The following OMA1 variants were observed in gnomAD, a reference collection of about 807,000 sequenced individuals.
OMA1 encodes metalloendopeptidase OMA1, mitochondrial.
OMA1 carries 38 observed loss-of-function variants against 30.9 expected under a neutral mutation model. The observed-to-expected ratio is 1.23, with a 90% CI of 0.95 to 1.61. OMA1 has a LOEUF of 1.61. Ranked by LOEUF, OMA1 falls within the 40% of genes most tolerant of loss-of-function variation. The pLI is 0.00. For synonymous variants in OMA1, 173 were observed against 121.9 expected (o/e 1.42, Z -2.76); for missense variants, 461 against 349.2 (o/e 1.32, Z -2.55).
At chr1:58,511,656 C>T (rs11207246) in intron 7 of OMA1, among the ~76,000 whole-genome samples, 22,982 of 151,850 alleles carry the variant, frequency 0.15, 1,820 homozygotes, top group Middle Eastern at 0.23. Flanking sequence ...CACACACAAA[C>T]CCCACAATGA....
At chr1:58,532,205 A>C (rs1646444634) in intron 5 of OMA1, among the ~76,000 whole-genome samples, 1 of 152,238 alleles carries the variant, frequency 6.6e-6, no homozygotes, top group South Asian at 2.1e-4. Flanking sequence ...GACTCCCAAA[A>C]GAGAAAATAT....
intron 8 of OMA1, among the ~76,000 whole-genome samples, chr1:58,496,049 A>G (rs181699300): frequency 1.1e-3 from 160 of 152,326 alleles, no homozygotes; most frequent in African/African-American, 3.8e-3. Context: ...AACTAAATAA[A>G]AAAATATGAT....
In OMA1 at chr1:58,539,177, G is replaced by T. The variant is rs868539266; in HGVS notation, c.118C>A (p.Gln40Lys). The T allele has an allele frequency of 2.3e-6, 2 of 872,926 alleles. No individual in the cohort carries two copies. The highest frequency in any genetic ancestry group is 4.0e-6 in the Non-Finnish European group (2 of 501,662). 54.1% of individuals were successfully genotyped at this position (872,926 alleles called of 1,614,324 possible). A position where few individuals can be genotyped will look rare whatever the true frequency, so the allele number is the denominator to read the frequency against. The change falls in exon 2 of 9, where the codon CAA (glutamine) becomes AAA (lysine). Residue 40 changes from glutamine (Q) to lysine (K), a missense_variant. Coordinates refer to ENST00000371226, the MANE Select transcript of OMA1 (RefSeq NM_145243.5). ...TTTACTATATGGTTAACTTGTACTT[G>T]ATGACAGCCCCGTGAGGTGGATGCT... ...TLASTSRGCH[Q>K]VQVNHIVNKY... is the part of the protein sequence containing the mutation.
chr1:58,508,575 C>T (rs1646025474), intron 7 of OMA1, among the ~76,000 whole-genome samples: 1 of 152,132 alleles, frequency 6.6e-6, no homozygotes, highest in African/African-American at 2.4e-5. Context: ...ATAAGAACAC[C>T]TGCAGCTCCC....
Position 58,481,177 on chromosome 1 carries a change from A to G in OMA1, c.1366-3T>C, listed in dbSNP as rs760484263. On this transcript the variant is annotated splice_region_variant and splice_polypyrimidine_tract_variant and intron_variant, in intron 8 of 8. Transcript: ENST00000371226. ...CACATCTCTCTAATTTTGAGAGCCTATAAAGAAATAATAAAATAAAAAAAT... is the reference window on the plus strand; with the variant it reads ...CACATCTCTCTAATTTTGAGAGCCTGTAAAGAAATAATAAAATAAAAAAAT... 4 of 809,160 alleles carry G rather than the reference A, an allele frequency of 4.9e-6. No individual in the cohort carries two copies. Among genetic ancestry groups the G allele is most frequent in the Non-Finnish European group, 6.3e-6 (3 of 475,314 alleles). 50.1% of individuals were successfully genotyped at this position (809,160 alleles called of 1,614,324 possible).
At chr1:58,525,848 C>G (rs186071626) in intron 7 of OMA1, among the ~76,000 whole-genome samples, 153 of 152,068 alleles carry the variant, frequency 1.0e-3, no homozygotes, top group Non-Finnish European at 1.9e-3. Flanking sequence ...ATGGTACTGG[C>G]TGAAACATAA....
At chr1:58,546,461 T>TC (rs910298145) in intron 1 of OMA1, among the ~76,000 whole-genome samples, 17 of 151,366 alleles carry the variant, frequency 1.1e-4, no homozygotes, top group African/African-American at 4.1e-4. Flanking sequence ...AGAACCGGGC[T>TC]CCCCCAGGAC....
intron 8 of OMA1, among the ~76,000 whole-genome samples, chr1:58,505,161 A>G (rs1645968095): frequency 6.6e-6 from 1 of 152,204 alleles, no homozygotes; most frequent in Non-Finnish European, 1.5e-5. Flanking sequence ...CCCGTTGGCC[A>G]GGCTGGTCTC....
intron 8 of OMA1, among the ~76,000 whole-genome samples, chr1:58,487,182 C>T (rs1165757588): frequency 6.6e-6 from 1 of 152,074 alleles, no homozygotes; most frequent in Non-Finnish European, 1.5e-5. Flanking sequence ...GGAGCAGTGG[C>T]GAAGTTGAGA....
At chr1:58,524,064 G>A (rs1473478299) in intron 7 of OMA1, among the ~76,000 whole-genome samples, 1 of 152,142 alleles carries the variant, frequency 6.6e-6, no homozygotes, top group African/African-American at 2.4e-5. Flanking sequence ...TTCCTTAGAG[G>A]CTCAGGGGTT....
At chr1:58,522,107 G>T (rs151160076) in intron 7 of OMA1, among the ~76,000 whole-genome samples, 1,848 of 152,216 alleles carry the variant, frequency 0.012, 15 homozygotes, top group Non-Finnish European at 0.021. Flanking sequence ...AAAAATTAAT[G>T]TAATTTGCCC....
rs201084913 is a variant in OMA1 at position 58,506,142 on chromosome 1, C to T, written c.1283G>A (p.Gly428Asp). ...TAACCATTCTGGCATCTTGGGTTGG[C>T]CATGCAGGCTATCAACGAACTCCAT... The part of the protein sequence containing the change: ...QQMEFVDSLH[G>D]QPKMPEWLST... The change falls in exon 8 of 9, where the codon GGC becomes GAC. Residue 428 changes from glycine (G) to aspartate (D), a missense_variant. Coordinates refer to ENST00000371226, the MANE Select transcript of OMA1 (RefSeq NM_145243.5). 20 of 871,660 alleles carry T rather than the reference C, an allele frequency of 2.3e-5. No individual in the cohort carries two copies. Among genetic ancestry groups the T allele is most frequent in the Admixed American group, 1.7e-4 (10 of 59,128 alleles). 54.0% of individuals were successfully genotyped at this position (871,660 alleles called of 1,614,324 possible).
intron 8 of OMA1, among the ~76,000 whole-genome samples, chr1:58,505,747 A>G (rs1289320990): frequency 6.6e-6 from 1 of 152,202 alleles, no homozygotes; most frequent in Non-Finnish European, 1.5e-5. Context: ...TATCATCAAC[A>G]TGTTTAAAAA....
At chr1:58,485,744 A>C (rs913405159) in intron 8 of OMA1, among the ~76,000 whole-genome samples, 3 of 152,168 alleles carry the variant, frequency 2.0e-5, no homozygotes, top group Non-Finnish European at 4.4e-5. Flanking sequence ...ATATAGCTAG[A>C]ATATGTCTTT....
At chr1:58,486,665 T>C (rs1645580647) in intron 8 of OMA1, among the ~76,000 whole-genome samples, 1 of 152,104 alleles carries the variant, frequency 6.6e-6, no homozygotes, top group Non-Finnish European at 1.5e-5. Context: ...GTTAAGTACA[T>C]GAAGAAACTA....
chr1:58,482,044 T>C (rs999658372), intron 8 of OMA1, among the ~76,000 whole-genome samples: 1 of 152,152 alleles, frequency 6.6e-6, no homozygotes, highest in African/African-American at 2.4e-5. Context: ...AAATAAAACA[T>C]TGCAAAGGAA....
chr1:58,508,239 G>A (rs983918221), intron 7 of OMA1, among the ~76,000 whole-genome samples: 5 of 152,098 alleles, frequency 3.3e-5, no homozygotes, highest in African/African-American at 1.2e-4. Context: ...CTCAAACCCA[G>A]TTCAAAGAGC....
chr1:58,535,870 G>GA (rs1329136055), intron 3 of OMA1, among the ~76,000 whole-genome samples: 3 of 151,780 alleles, frequency 2.0e-5, no homozygotes, highest in African/African-American at 4.8e-5. Flanking sequence ...TGATGTTTGG[G>GA]AAAAAAATCT....
intron 7 of OMA1, among the ~76,000 whole-genome samples, chr1:58,508,401 A>G (rs1173812778): frequency 1.3e-5 from 2 of 152,192 alleles, no homozygotes; most frequent in Non-Finnish European, 2.9e-5. Flanking sequence ...ATTCAACGAT[A>G]ATATACGAAT....
Sources: gnomAD v4.1 joint callset for allele counts (sites outside exome capture counted in the v4.1 genomes callset) on GRCh38, gnomAD v4.1.1 for gene constraint, MANE v1.5 for transcripts, NCBI Gene and HGNC (gene_info 2026-07-23, HGNC 2026-07-21) for gene names.